Variants in ATP8B1 observed in about 807,000 individuals in gnomAD.
The protein encoded by ATP8B1 is ATPase phospholipid transporting 8B1.
In ATP8B1, 80 loss-of-function variants were observed where a neutral mutation model predicts 149.9. That is an observed-to-expected ratio of 0.53 (90% CI 0.45 to 0.64). The LOEUF is 0.64. Among genes scored for constraint, ATP8B1 ranks in the 30% least tolerant of loss-of-function variants. The probability of loss-of-function intolerance (pLI) is 0.00; values close to 1 mark genes in which losing one functional copy is unlikely to be tolerated. For missense variants in ATP8B1, 1,247 were observed against 1,552.6 expected, an observed-to-expected ratio of 0.80 and a Z score of 3.31; for synonymous variants, 536 against 562.8, an observed-to-expected ratio of 0.95 and a Z score of 0.67.
chr18:57,659,509 A>G (rs548007977), intron 22 of ATP8B1, among the ~76,000 whole-genome samples: 2 of 152,294 alleles, frequency 1.3e-5, no homozygotes, highest in African/African-American at 4.8e-5. Flanking sequence ...AACTGAATAA[A>G]AATCATGTTT....
intron 16 of ATP8B1, among the ~76,000 whole-genome samples, chr18:57,673,677 A>G (rs115443326): frequency 0.2 from 30,378 of 151,346 alleles, 3,596 homozygotes; most frequent in South Asian, 0.28. Flanking sequence ...AATTAGATAT[A>G]TATTAGATCT....
chr18:57,666,991 A>G (rs1297001733), intron 20 of ATP8B1, 101 bp downstream of exon 20: 3 of 1,091,980 alleles, frequency 2.7e-6, no homozygotes, highest in Middle Eastern at 2.0e-4. Context: ...CAAGTGACAC[A>G]TCGTAACCCC....
At chr18:57,695,684 G>C in intron 8 of ATP8B1, 152 bp from the exon 9 acceptor site, 2 of 713,290 alleles carry the variant, frequency 2.8e-6, no homozygotes, top group East Asian at 2.7e-5. Context: ...TGGAACTTCA[G>C]GTTTGGAAAA....
At chr18:57,731,585 G>A (rs1212728803) in intron 2 of ATP8B1, 42 bp downstream of exon 2, 3 of 1,606,056 alleles carry the variant, frequency 1.9e-6, no homozygotes, top group Non-Finnish European at 1.7e-6. Flanking sequence ...ACCCACATGA[G>A]GATTTATAAG....
chr18:57,697,596 A>G lies in ATP8B1; in HGVS notation c.698+22T>C, dbSNP rs529040977. 7.5e-6 allele frequency: 12 copies of G among 1,610,286 alleles called. No homozygotes were observed. The African/African-American group carries it at 1.1e-4, about 14-fold the overall frequency. ...TGCCTTCAAAGGCCAGCTTTAAATC[A>G]GGCCCATCGAGACACACTTACCCAT... On this transcript the variant is annotated intron_variant, in intron 8 of 27. Coordinates refer to ENST00000648908, the MANE Select transcript of ATP8B1 (RefSeq NM_001374385.1).
intron 2 of ATP8B1, among the ~76,000 whole-genome samples, chr18:57,720,939 A>G (rs2079639283): frequency 6.7e-6 from 1 of 149,790 alleles, no homozygotes; most frequent in Non-Finnish European, 1.5e-5. Context: ...GGGGGCCAGT[A>G]TTCAACATTC....
intron 2 of ATP8B1, among the ~76,000 whole-genome samples, chr18:57,718,370 G>T (rs897428904): frequency 3.3e-5 from 5 of 152,058 alleles, no homozygotes; most frequent in African/African-American, 1.2e-4. Flanking sequence ...ATAATAAAAA[G>T]TCTCTCAGCA....
intron 1 of ATP8B1, among the ~76,000 whole-genome samples, chr18:57,756,653 TTCTC>T (rs112851704): frequency 6.7e-6 from 1 of 149,196 alleles, no homozygotes; most frequent in Non-Finnish European, 1.5e-5. Flanking sequence ...ATGGTATTCC[TTCTC>T]TCTCTCTCTC....
rs745812626 is a variant in ATP8B1, at chr18:57,652,712, C to T, written c.3033G>A (p.Leu1011=). 5.0e-6 allele frequency: 8 copies of T among 1,614,130 alleles called. No individual in the cohort carries two copies. Among genetic ancestry groups the T allele is most frequent in the Middle Eastern group, 3.3e-4 (2 of 6,062 alleles). The part of the protein sequence containing the change: ...GLLDQDVSDK[L]SLRFPGLYIV... ...TGTATAACCCAGGGAATCGGAGGCT[C>T]AGTTTGTCACTCACATCCTTAAGGA... Residue 1011 remains leucine (L), a synonymous_variant, in exon 25 of 28, where the codon CTG becomes CTA. Transcript: ENST00000648908.
At chr18:57,682,877 C>CA (rs1237787873) in intron 15 of ATP8B1, among the ~76,000 whole-genome samples, 2 of 152,010 alleles carry the variant, frequency 1.3e-5, no homozygotes, top group African/African-American at 4.8e-5. Flanking sequence ...CTCACTCCAT[C>CA]ACCGAAGCTG....
intron 20 of ATP8B1, among the ~76,000 whole-genome samples, chr18:57,666,299 T>A (rs140915474): frequency 6.6e-6 from 1 of 152,292 alleles, no homozygotes; most frequent in Non-Finnish European, 1.5e-5. Context: ...TTTCAGCATA[T>A]GCTAACATTT....
chr18:57,728,238 G>A (rs2079727803), intron 2 of ATP8B1, among the ~76,000 whole-genome samples: 2 of 151,018 alleles, frequency 1.3e-5, no homozygotes, highest in Non-Finnish European at 2.9e-5. Flanking sequence ...TGCTAGAATG[G>A]GTGCTGGTCC....
rs56214207 is a variant in ATP8B1, at chr18:57,691,981, A to C, written c.1046T>G (p.Ile349Ser). Residue 349 changes from isoleucine (I) to serine (S), a missense_variant, in exon 12 of 28, where the codon ATT becomes AGT. Ile to Ser is a moderately radical substitution (Grantham distance 142). This residue lies in a region of ATP8B1 where 853 missense variants were observed against 1,035.7 expected (regional missense o/e 0.82). Transcript: ENST00000648908. ...GATGGCAAGACCAGCAGAAAGCAGA[A>C]TAAGAACAACAAAGATCTAGAAGAC... ...YMVYTIFVVL[I>S]LLSAGLAIGH... is the part of the protein sequence containing the mutation. 6.2e-7 allele frequency: 1 copy of C among 1,613,688 alleles called. No individual in the cohort carries two copies. The highest frequency in any genetic ancestry group is 2.2e-5 in the East Asian group (1 of 44,858).
intron 1 of ATP8B1, among the ~76,000 whole-genome samples, chr18:57,732,915 C>G (rs914573195): frequency 6.6e-5 from 10 of 152,156 alleles, no homozygotes; most frequent in Admixed American, 3.3e-4. Flanking sequence ...TCTAAGATAT[C>G]TGGTTTCTGC....
chr18:57,744,528 A>C (rs1010229275), intron 1 of ATP8B1, among the ~76,000 whole-genome samples: 2 of 152,142 alleles, frequency 1.3e-5, no homozygotes, highest in African/African-American at 4.8e-5. Flanking sequence ...TCCACAATGT[A>C]CTTTTATAGT....
intron 12 of ATP8B1, among the ~76,000 whole-genome samples, chr18:57,691,190 A>C (rs1912509421): frequency 6.6e-6 from 1 of 152,052 alleles, no homozygotes; most frequent in Non-Finnish European, 1.5e-5. Flanking sequence ...AAAAAAAAAA[A>C]AAAAGTAAAA....
rs1568176564 is a variant in ATP8B1, at chr18:57,648,570, CG to C, written c.3673del (p.Arg1225AlafsTer64). The C allele has an allele frequency of 6.2e-7, 1 of 1,611,348 alleles. No individual in the cohort carries two copies. On this transcript the variant is annotated frameshift_variant, in exon 28 of 28. Coordinates refer to ENST00000648908, the MANE Select transcript of ATP8B1 (RefSeq NM_001374385.1). LOFTEE classifies it high-confidence loss of function. Reference protein sequence around the residue: ...RGYADLISSGRSIRKKRSPLD... With the variant: ...RGYADLISSGXSIRKKRSPLD... ...CGGCGAGCGCTTCTTGCGGATGCTG[CG>C]CCCGGAGGAGATGAGGTCCGCGTAG...
intron 1 of ATP8B1, among the ~76,000 whole-genome samples, chr18:57,764,005 C>A (rs2080182344): frequency 6.6e-6 from 1 of 152,210 alleles, no homozygotes. Context: ...AGCACGATAT[C>A]CCCAGCTGTG....
At chr18:57,725,879 T>A (rs2079700980) in intron 2 of ATP8B1, among the ~76,000 whole-genome samples, 1 of 152,206 alleles carries the variant, frequency 6.6e-6, no homozygotes, top group East Asian at 1.9e-4. Context: ...AAAAATTGAA[T>A]CAAAATGGAT....
Sources: allele counts gnomAD v4.1 joint callset (sites outside exome capture counted in the v4.1 genomes callset), GRCh38; gene constraint gnomAD v4.1.1; regional missense constraint gnomAD v4.1.1; transcripts MANE v1.5; gene names NCBI Gene and HGNC (gene_info 2026-07-23, HGNC 2026-07-21).